VTI1A: variants seen among roughly 807,000 people sequenced by gnomAD.
VTI1A encodes the protein vesicle transport through interaction with t-SNAREs homolog 1A.
VTI1A carries 22 observed loss-of-function variants against 34.9 expected under a neutral mutation model. The observed-to-expected ratio is 0.63, with a 90% CI of 0.45 to 0.90. The LOEUF (loss-of-function observed/expected upper bound fraction) is 0.90. Among genes scored for constraint, VTI1A ranks in the 40% least tolerant of loss-of-function variants. The pLI is 0.00. For missense variants in VTI1A, 268 were observed against 275.6 expected (o/e 0.97, Z 0.20); for synonymous variants, 87 against 97.3 (o/e 0.89, Z 0.62).
At chr10:112,612,933 C>CCTGAATATTTTACAA (rs1845376342) in intron 5 of VTI1A, among the ~76,000 whole-genome samples, 1 of 32,608 alleles carries the variant, frequency 3.1e-5, no homozygotes, top group Admixed American at 5.0e-4. Context: ...ATTTATTTTG[C>CCTGAATATTTTACAA]ATATAACCTG....
the VTI1A span, among the ~76,000 whole-genome samples, chr10:112,845,399 G>A: frequency 2.6e-5 from 4 of 152,184 alleles, no homozygotes; most frequent in African/African-American, 9.7e-5. Flanking sequence ...CTTGTGGTCC[G>A]CAAATCCACC....
intron 3 of VTI1A, among the ~76,000 whole-genome samples, chr10:112,491,368 A>G (rs1359569525): frequency 6.6e-6 from 1 of 152,212 alleles, no homozygotes; most frequent in Non-Finnish European, 1.5e-5. Context: ...ATGTAAGGCC[A>G]GTTACTTTCT....
At chr10:112,590,563 T>A (rs1844351267) in intron 5 of VTI1A, among the ~76,000 whole-genome samples, 1 of 151,978 alleles carries the variant, frequency 6.6e-6, no homozygotes, top group Non-Finnish European at 1.5e-5. Flanking sequence ...ATGCCTATAA[T>A]CCCAGCTACT....
chr10:112,742,327 T>C lies in VTI1A; in HGVS notation c.561-72963T>C, dbSNP rs544853960. 6.6e-5 allele frequency among the ~76,000 whole-genome samples: 10 copies of C among 152,326 alleles called. No individual in the cohort carries two copies. The East Asian group carries it at 1.9e-3, about 29-fold the overall frequency. The stretch of plus-strand genomic sequence containing the variant: ...GCTTTTTCAACTAAAGCAATCCTTA[T>C]TTTAGATGTGACATGTGTTAAGTAA... On this transcript the variant is annotated intron_variant, in intron 7 of 7. Transcript: ENST00000393077.
At chr10:112,752,619 T>C (rs1590152239) in intron 7 of VTI1A, 2 of 978,192 alleles carry the variant, frequency 2.0e-6, no homozygotes, top group Non-Finnish European at 2.4e-6. Context: ...GCTGCCAGGG[T>C]TTTTATAAGG....
chr10:112,615,582 T>C (rs1469336311), intron 5 of VTI1A, among the ~76,000 whole-genome samples: 3 of 152,134 alleles, frequency 2.0e-5, no homozygotes, highest in Non-Finnish European at 4.4e-5. Flanking sequence ...ATAATGGAAA[T>C]AGACATTAAA....
rs1347707380 is a variant in VTI1A, at chr10:112,594,338, AGGG to A, written c.427+56009_427+56011del. ...AGCCTGCTTTAGGAGAAGGAAATAA[AGGG>A]TATTCAATTAGGAAAAGAGGAAGTC... On this transcript the variant is annotated intron_variant, in intron 5 of 7. Coordinates refer to ENST00000393077, the MANE Select transcript of VTI1A (RefSeq NM_145206.4). Among the ~76,000 whole-genome samples the A allele has an allele frequency of 2.6e-5, 4 of 152,314 alleles. No individual in the cohort carries two copies. In the East Asian group the frequency reaches 5.8e-4, roughly 22 times the overall value.
At chr10:112,489,157 AAG>A (rs1465223459) in intron 3 of VTI1A, among the ~76,000 whole-genome samples, 3 of 152,146 alleles carry the variant, frequency 2.0e-5, no homozygotes, top group Admixed American at 6.5e-5. Context: ...GACATTTCTG[AAG>A]AGTTTCATAT....
chr10:112,842,080 T>G, the VTI1A span, among the ~76,000 whole-genome samples: 996 of 133,748 alleles, frequency 7.4e-3, 7 homozygotes, highest in African/African-American at 0.028. Context: ...TTTTTTTTTT[T>G]GAGACGGAGT....
intron 7 of VTI1A, among the ~76,000 whole-genome samples, chr10:112,793,172 C>T (rs569483840): frequency 1.8e-4 from 27 of 152,234 alleles, no homozygotes; most frequent in Non-Finnish European, 2.9e-4. Flanking sequence ...TTTCAGACAG[C>T]GTTAGGAGGT....
intron 5 of VTI1A, among the ~76,000 whole-genome samples, chr10:112,642,977 CTTTTTT>C (rs58619611): frequency 2.0e-4 from 24 of 121,018 alleles, no homozygotes; most frequent in East Asian, 2.4e-4. Context: ...TTTTTCTTTT[CTTTTTT>C]TTTTTTTTTT....
At chr10:112,558,630 A>G (rs1300543293) in intron 5 of VTI1A, among the ~76,000 whole-genome samples, 1 of 152,212 alleles carries the variant, frequency 6.6e-6, no homozygotes, top group Non-Finnish European at 1.5e-5. Flanking sequence ...TTTGGCTAGT[A>G]AAAGTTCACT....
intron 7 of VTI1A, among the ~76,000 whole-genome samples, chr10:112,765,205 T>TTTTGC (rs1298488259): frequency 3.9e-5 from 6 of 152,138 alleles, no homozygotes; most frequent in Non-Finnish European, 7.3e-5. Flanking sequence ...TTTTGTTTTG[T>TTTTGC]TTTGTTTTGT....
chr10:112,768,095 A>G (rs1851698179), intron 7 of VTI1A, among the ~76,000 whole-genome samples: 1 of 151,980 alleles, frequency 6.6e-6, no homozygotes, highest in Non-Finnish European at 1.5e-5. Flanking sequence ...CGCATATTCC[A>G]CTTCCGATTT....
At chr10:112,516,824 C>G (rs1283022128) in intron 3 of VTI1A, among the ~76,000 whole-genome samples, 2 of 151,942 alleles carry the variant, frequency 1.3e-5, no homozygotes, top group East Asian at 3.9e-4. Context: ...AGGTTTTTAT[C>G]TAAGAATACC....
At position 112,760,337 on chromosome 10, in the gene VTI1A, T is replaced by C. The variant is rs1851420584; in HGVS notation, c.561-54953T>C. Among the ~76,000 whole-genome samples, 3 of 152,086 alleles carry C rather than the reference T, an allele frequency of 2.0e-5. No individual in the cohort carries two copies. The South Asian group carries it at 6.2e-4, about 31-fold the overall frequency. ...AATAACTAAGAGTAAAATAGAACAA[T>C]TGTAACAATATACTGTAATAAAAAT... is the stretch of plus-strand genomic sequence containing the variant. On this transcript the variant is annotated intron_variant, in intron 7 of 7. Coordinates refer to ENST00000393077, the MANE Select transcript of VTI1A (RefSeq NM_145206.4).
At chr10:112,820,401 C>T (rs1853632292), downstream of VTI1A, among the ~76,000 whole-genome samples, 1 of 152,242 alleles carries the variant, frequency 6.6e-6, no homozygotes, top group Non-Finnish European at 1.5e-5. Context: ...CAGTAACTCT[C>T]TAACTCTAAA....
At chr10:112,851,350 A>G in the VTI1A span, among the ~76,000 whole-genome samples, 1 of 152,238 alleles carries the variant, frequency 6.6e-6, no homozygotes, top group Non-Finnish European at 1.5e-5. Context: ...CAATGTGCTC[A>G]TGGCACATTG....
chr10:112,849,322 G>A, the VTI1A span, among the ~76,000 whole-genome samples: 1 of 152,226 alleles, frequency 6.6e-6, no homozygotes, highest in East Asian at 1.9e-4. Context: ...TCACACATGG[G>A]CATTCATCCC....
Sources: allele counts gnomAD v4.1 joint callset (sites outside exome capture counted in the v4.1 genomes callset), GRCh38; gene constraint gnomAD v4.1.1; transcripts MANE v1.5; gene names NCBI Gene and HGNC (gene_info 2026-07-23, HGNC 2026-07-21).